Variants in DAB1 observed in about 807,000 individuals in gnomAD.
DAB1 encodes the protein disabled homolog 1.
In DAB1, 15 loss-of-function variants were observed where a neutral mutation model predicts 64.6. The ratio of observed to expected loss-of-function variants is 0.23; its 90% CI spans 0.16 to 0.36. The LOEUF (loss-of-function observed/expected upper bound fraction) is 0.36. Ranked by LOEUF, DAB1 falls within the 10% of genes least tolerant of loss-of-function variation. The probability of loss-of-function intolerance (pLI) is 1.00; values close to 1 mark genes in which losing one functional copy is unlikely to be tolerated. For missense variants in DAB1, 596 were observed against 706.7 expected (o/e 0.84, Z 1.78); for synonymous variants, 235 against 251.9 (o/e 0.93, Z 0.64).
At chr1:58,170,366 C>A (rs966621907) in intron 4 of DAB1, among the ~76,000 whole-genome samples, 11 of 152,170 alleles carry the variant, frequency 7.2e-5, no homozygotes, top group Non-Finnish European at 2.9e-5. Flanking sequence ...AGAAAATAGA[C>A]TCCCCTGTCA....
intron 5 of DAB1, among the ~76,000 whole-genome samples, chr1:57,922,347 A>C (rs923136031): frequency 1.3e-5 from 2 of 152,096 alleles, no homozygotes; most frequent in East Asian, 3.9e-4. Context: ...GGATGTGTAG[A>C]AGAAATGAAG....
chr1:58,006,857 T>G (rs191338119), intron 5 of DAB1, among the ~76,000 whole-genome samples: 62 of 152,364 alleles, frequency 4.1e-4, no homozygotes, highest in African/African-American at 1.4e-3. Context: ...GTTGCTCTTG[T>G]GCATTGTTAT....
intron 5 of DAB1, among the ~76,000 whole-genome samples, chr1:58,032,563 C>T (rs1344229156): frequency 1.2e-4 from 18 of 152,092 alleles, no homozygotes; most frequent in Admixed American, 1.2e-3. Context: ...AATGTCTATC[C>T]CATCTAATCC....
chr1:58,015,445 A>G (rs1041549923), intron 5 of DAB1, among the ~76,000 whole-genome samples: 2 of 152,112 alleles, frequency 1.3e-5, no homozygotes, highest in Non-Finnish European at 2.9e-5. Flanking sequence ...CGTGGCCACA[A>G]GCTGTACTTC....
Position 57,015,133 on chromosome 1 carries a change from C to T in DAB1, c.1194G>A (p.Arg398=), listed in dbSNP as rs1195262026. 2 of 1,614,014 alleles carry T rather than the reference C, an allele frequency of 1.2e-6. No individual in the cohort carries two copies. Among genetic ancestry groups the T allele is most frequent in the South Asian group, 1.1e-5 (1 of 91,094 alleles). ...ATVPGTSDST[R]SSPQTDKPRQ... is the part of the protein sequence containing the mutation. ...TGGGCTTGTCGGTCTGTGGACTTGA[C>T]CTGGTGGAGTCACTCGTGCCTGGGA... Residue 398 remains arginine, a synonymous_variant, in exon 12 of 15, where the codon AGG becomes AGA. Coordinates refer to ENST00000371236, the MANE Select transcript of DAB1 (RefSeq NM_001365792.1).
intron 5 of DAB1, among the ~76,000 whole-genome samples, chr1:58,104,525 A>T (rs1349683025): frequency 6.6e-6 from 1 of 152,100 alleles, no homozygotes; most frequent in African/African-American, 2.4e-5. Flanking sequence ...GTTTTCCCCA[A>T]TTTTTTTAAA....
At chr1:58,356,756 C>G (rs557514842) in intron 3 of DAB1, among the ~76,000 whole-genome samples, 3 of 152,172 alleles carry the variant, frequency 2.0e-5, no homozygotes, top group Non-Finnish European at 2.9e-5. Flanking sequence ...TGCTGTGGCT[C>G]ATGTCTGTAA....
intron 1 of DAB1, among the ~76,000 whole-genome samples, chr1:57,849,188 T>G (rs1334016375): frequency 6.6e-6 from 1 of 152,062 alleles, no homozygotes; most frequent in Non-Finnish European, 1.5e-5. Context: ...CCAGGAATGT[T>G]CACAAAAGGT....
At chr1:57,717,841 G>A (rs1924262) in intron 6 of DAB1, among the ~76,000 whole-genome samples, 45,784 of 151,954 alleles carry the variant, frequency 0.3, 7,087 homozygotes, top group East Asian at 0.46. Context: ...AGGACATTAT[G>A]TTAGGTTATG....
chr1:58,529,143 T>C (rs1646395222), intron 1 of DAB1, among the ~76,000 whole-genome samples: 1 of 152,200 alleles, frequency 6.6e-6, no homozygotes, highest in Non-Finnish European at 1.5e-5. Context: ...TTTAAGAACC[T>C]TTACTTCAAT....
chr1:57,479,606 T>C (rs1643985632), intron 7 of DAB1, among the ~76,000 whole-genome samples: 1 of 152,258 alleles, frequency 6.6e-6, no homozygotes, highest in East Asian at 1.9e-4. Flanking sequence ...AGCTTGTCTC[T>C]CTATACTCCA....
At chr1:57,042,196 A>G (rs1647873389) in intron 9 of DAB1, among the ~76,000 whole-genome samples, 1 of 151,826 alleles carries the variant, frequency 6.6e-6, no homozygotes, top group African/African-American at 2.4e-5. Context: ...GATGACCTGG[A>G]AGGCAGCCTT....
Position 57,950,250 on chromosome 1 carries a change from A to G in DAB1, n.388-66088T>C, listed in dbSNP as rs140967217. 6.0e-4 allele frequency among the ~76,000 whole-genome samples: 92 copies of G among 152,208 alleles called. 1 individual carries two copies. Among genetic ancestry groups the G allele is most frequent in the Middle Eastern group, 3.4e-3 (1 of 294 alleles). On this transcript the variant is annotated intron_variant and non_coding_transcript_variant, in intron 5 of 20. Coordinates refer to the DAB1 transcript ENST00000485760. ...TAAAATATTGATAATAATAATATCT[A>G]CCTCCTTGAAGGGTTAAGAGGATGA...
chr1:57,059,326 T>C (rs929278144), intron 9 of DAB1, among the ~76,000 whole-genome samples: 3 of 152,168 alleles, frequency 2.0e-5, no homozygotes, highest in South Asian at 2.1e-4. Flanking sequence ...GATCTCACTC[T>C]GAAGACCAGG....
intron 4 of DAB1, among the ~76,000 whole-genome samples, chr1:58,228,434 C>T (rs898323969): frequency 1.3e-5 from 2 of 152,076 alleles, no homozygotes; most frequent in African/African-American, 4.8e-5. Flanking sequence ...TGCTCAGAAC[C>T]TTCCCTCCCT....
At chr1:58,124,191 A>ATT (rs1324846745) in intron 5 of DAB1, among the ~76,000 whole-genome samples, 8 of 150,790 alleles carry the variant, frequency 5.3e-5, no homozygotes, top group African/African-American at 7.4e-5. Flanking sequence ...ATATTCTTAG[A>ATT]TTATATATAT....
chr1:58,205,230 T>A (rs753096502), intron 4 of DAB1, among the ~76,000 whole-genome samples: 1 of 147,822 alleles, frequency 6.8e-6, no homozygotes, highest in Non-Finnish European at 1.5e-5. Flanking sequence ...GACAACTCTT[T>A]CAGGCAAGAC....
rs573529257 is a variant in DAB1, at chr1:57,013,057, A to G, written c.1445-1785T>C. Among the ~76,000 whole-genome samples the G allele has an allele frequency of 2.6e-5, 4 of 152,368 alleles. No homozygotes were observed. The South Asian group carries it at 8.3e-4, about 32-fold the overall frequency. Reference sequence around the variant, plus strand: ...TCTCGACACTAGAGGAAGGGGATATACGTTTCTCTCATAGAGTGATTAGAG... The same window carrying G: ...TCTCGACACTAGAGGAAGGGGATATGCGTTTCTCTCATAGAGTGATTAGAG... On this transcript the variant is annotated intron_variant, in intron 12 of 14. Transcript: ENST00000371236.
At chr1:58,340,269 T>C (rs10493239) in intron 4 of DAB1, among the ~76,000 whole-genome samples, 17,720 of 152,150 alleles carry the variant, frequency 0.12, 1,206 homozygotes, top group East Asian at 0.32. Flanking sequence ...CTATTGTTCT[T>C]TATTAGGTGC....
Sources: allele counts gnomAD v4.1 joint callset (sites outside exome capture counted in the v4.1 genomes callset), GRCh38; gene constraint gnomAD v4.1.1; transcripts MANE v1.5; gene names NCBI Gene and HGNC (gene_info 2026-07-23, HGNC 2026-07-21).